OVOL2: variants seen among roughly 807,000 people sequenced by gnomAD.
OVOL2 encodes ovo like zinc finger 2.
A neutral mutation model predicts 18.1 loss-of-function variants in OVOL2; 13 were observed. That is an observed-to-expected ratio of 0.72 (90% CI 0.47 to 1.14). The LOEUF is 1.14. OVOL2 is among the 50% of genes most tolerant of loss of function. OVOL2 has a pLI of 0.00. For missense variants in OVOL2, 335 were observed against 383.0 expected, an observed-to-expected ratio of 0.87 and a Z score of 1.05; for synonymous variants, 166 against 162.7, an observed-to-expected ratio of 1.02 and a Z score of -0.16.
intron 3 of OVOL2, among the ~76,000 whole-genome samples, chr20:18,029,186 C>T (rs1367076766): frequency 1.3e-5 from 2 of 152,054 alleles, no homozygotes; most frequent in African/African-American, 2.4e-5. Context: ...GCTACAATGT[C>T]CAGCTAACTT....
intron 2 of OVOL2, among the ~76,000 whole-genome samples, chr20:18,045,145 C>A (rs2036713736): frequency 6.6e-6 from 1 of 152,254 alleles, no homozygotes; most frequent in East Asian, 1.9e-4. Context: ...ATCACCCACG[C>A]AGTTCATGTT....
chr20:18,058,142 G>T (rs1361204292), upstream of OVOL2, among the ~76,000 whole-genome samples: 3 of 151,960 alleles, frequency 2.0e-5, no homozygotes, highest in Non-Finnish European at 4.4e-5. Flanking sequence ...CGAGCTCTTC[G>T]AGGTAAACCC....
intron 3 of OVOL2, among the ~76,000 whole-genome samples, chr20:18,026,663 G>A (rs750755481): frequency 4.6e-5 from 7 of 152,272 alleles, no homozygotes; most frequent in South Asian, 2.1e-4. Flanking sequence ...TTACAGGCGT[G>A]AGCCACCGCG....
chr20:18,057,888 GGT>G lies in OVOL2; in HGVS notation c.-256_-255del. 1 of 1,322,888 alleles carries G rather than the reference GGT, an allele frequency of 7.6e-7. No individual in the cohort carries two copies. Among genetic ancestry groups the G allele is most frequent in the Non-Finnish European group, 9.6e-7 (1 of 1,041,766 alleles). The allele number at this position is 1,322,888 out of a possible 1,614,324, so 81.9% of individuals were successfully genotyped here. A position where few individuals can be genotyped will look rare whatever the true frequency, so the allele number is the denominator to read the frequency against. ...CCACGCCGGGGAAAAAGTTTCATAA[GGT>G]GGAATAGAAAAGGCACCAGGAAACT... is the stretch of plus-strand genomic sequence containing the variant. On this transcript the variant is annotated 5_prime_UTR_variant, in exon 1 of 4. Transcript: ENST00000278780. This position sits in a 1 kb window ranked among gnomAD's most constrained non-coding sequence, Gnocchi z 6.3.
At chr20:18,036,161 T>C (rs144354631) in intron 3 of OVOL2, among the ~76,000 whole-genome samples, 18,276 of 151,802 alleles carry the variant, frequency 0.12, 1,181 homozygotes, top group Middle Eastern at 0.16. Context: ...GGCATGGTGG[T>C]GCATCCCTGT....
At chr20:18,025,539 A>C (rs2036505812) in intron 3 of OVOL2, among the ~76,000 whole-genome samples, 1 of 152,164 alleles carries the variant, frequency 6.6e-6, no homozygotes, top group Non-Finnish European at 1.5e-5. Context: ...ACTGCACTCC[A>C]GTCTGGGCAA....
chr20:18,041,410 C>T, intron 3 of OVOL2, 124 bp downstream of exon 3: 2 of 1,202,142 alleles, frequency 1.7e-6, no homozygotes, highest in Non-Finnish European at 2.3e-6. Flanking sequence ...TGATCCGCAT[C>T]TTGTGATCTT....
rs558870252 is a variant in OVOL2, at chr20:18,034,071, A to G, written c.511+7463T>C. The stretch of plus-strand genomic sequence containing the variant: ...CATGTTGTCCTCAGTGATCCTGTCA[A>G]CTTCACTGAAGTACAGCAAGTCCCT... On this transcript the variant is annotated intron_variant, in intron 3 of 3. Transcript: ENST00000278780. 7.2e-5 allele frequency among the ~76,000 whole-genome samples: 11 copies of G among 152,212 alleles called. No homozygotes were observed. The South Asian group carries it at 2.3e-3, about 32-fold the overall frequency.
chr20:18,030,481 G>A (rs911663401), intron 3 of OVOL2, among the ~76,000 whole-genome samples: 9 of 152,200 alleles, frequency 5.9e-5, no homozygotes, highest in Admixed American at 3.3e-4. Context: ...ATCTGCCCCC[G>A]AGGAGAGGCC....
chr20:18,057,183 G>T lies in OVOL2; in HGVS notation c.101-306C>A, dbSNP rs1600456167. ...GGGAGGCGGATCTGACCTCTCCCCA[G>T]CTAGCCCCAGAAGGGTTGGCGAGCC... On this transcript the variant is annotated intron_variant, in intron 1 of 3. Transcript: ENST00000278780. The surrounding 1 kb of genome is among the most constrained non-coding windows in gnomAD (Gnocchi z 6.3). Among the ~76,000 whole-genome samples, 1 of 151,654 alleles carries T rather than the reference G, an allele frequency of 6.6e-6. No homozygotes were observed. Among genetic ancestry groups the T allele is most frequent in the African/African-American group, 2.4e-5 (1 of 41,228 alleles).
At chr20:18,026,338 T>C (rs1199472803) in intron 3 of OVOL2, among the ~76,000 whole-genome samples, 1 of 151,770 alleles carries the variant, frequency 6.6e-6, no homozygotes, top group African/African-American at 2.4e-5. Context: ...AACTCACTTC[T>C]CCTAAGACCA....
intron 3 of OVOL2, among the ~76,000 whole-genome samples, chr20:18,037,005 G>A (rs754114578): frequency 7.9e-5 from 12 of 151,924 alleles, no homozygotes; most frequent in Non-Finnish European, 1.0e-4. Flanking sequence ...GCTTGGTAGC[G>A]GGCGCCTGTA....
At chr20:18,050,100 C>T (rs983852319) in intron 2 of OVOL2, among the ~76,000 whole-genome samples, 2 of 152,144 alleles carry the variant, frequency 1.3e-5, no homozygotes, top group African/African-American at 4.8e-5. Context: ...TTAAAGGTTC[C>T]TGTAGTCGAT....
chr20:18,050,997 T>C (rs2036766851), intron 2 of OVOL2, among the ~76,000 whole-genome samples: 1 of 152,196 alleles, frequency 6.6e-6, no homozygotes, highest in African/African-American at 2.4e-5. Context: ...GAGTCAGGGA[T>C]GGAGCTTATA....
intron 3 of OVOL2, among the ~76,000 whole-genome samples, chr20:18,028,943 C>A (rs1352627841): frequency 3.3e-5 from 5 of 152,128 alleles, no homozygotes; most frequent in Admixed American, 3.3e-4. Flanking sequence ...TTTGTCACCC[C>A]ATGCACCTCT....
intron 3 of OVOL2, among the ~76,000 whole-genome samples, chr20:18,034,974 C>A (rs1195430676): frequency 6.6e-6 from 1 of 152,100 alleles, no homozygotes; most frequent in African/African-American, 2.4e-5. Context: ...GTCCTCGGCC[C>A]TGGGTCCTGG....
At chr20:18,049,811 G>A (rs2036756271) in intron 2 of OVOL2, among the ~76,000 whole-genome samples, 1 of 152,152 alleles carries the variant, frequency 6.6e-6, no homozygotes, top group Non-Finnish European at 1.5e-5. Flanking sequence ...GGTCTGTGGG[G>A]CAGGAGGAGG....
chr20:18,056,399 A>C lies in OVOL2; in HGVS notation c.321+258T>G, dbSNP rs1405250201. ...GGCAGTTCCAGAGGCAGCACTCGGC[A>C]TCAGGCGGGGCCACCGGGAGGACGG... is the stretch of plus-strand genomic sequence containing the variant. On this transcript the variant is annotated intron_variant, in intron 2 of 3. Coordinates refer to ENST00000278780, the MANE Select transcript of OVOL2 (RefSeq NM_021220.4). This position sits in a 1 kb window ranked among gnomAD's most constrained non-coding sequence, Gnocchi z 4.2. Among the ~76,000 whole-genome samples, 1 of 152,094 alleles carries C rather than the reference A, an allele frequency of 6.6e-6. No individual in the cohort carries two copies. Among genetic ancestry groups the C allele is most frequent in the Non-Finnish European group, 1.5e-5 (1 of 68,002 alleles).
intron 2 of OVOL2, among the ~76,000 whole-genome samples, chr20:18,052,796 T>C (rs1045353756): frequency 1.3e-5 from 2 of 152,246 alleles, no homozygotes; most frequent in African/African-American, 4.8e-5. Context: ...ACTCCATACT[T>C]GGACCTGGGT....
Sources: gnomAD v4.1 joint callset for allele counts (sites outside exome capture counted in the v4.1 genomes callset) on GRCh38, gnomAD v4.1.1 for gene constraint, Gnocchi (gnomAD v3.1) non-coding constraint, MANE v1.5 for transcripts, NCBI Gene and HGNC (gene_info 2026-07-23, HGNC 2026-07-21) for gene names.